CNTROB: variants seen among roughly 807,000 people sequenced by gnomAD.
CNTROB encodes the protein centrobin, centriole duplication and spindle assembly protein.
Under a neutral mutation model 115.7 loss-of-function variants are expected in CNTROB, and 82 were observed. The observed-to-expected ratio is 0.71, with a 90% CI of 0.59 to 0.85. The LOEUF is 0.85. CNTROB is among the 40% of genes least tolerant of loss of function. CNTROB has a pLI of 0.00. For synonymous variants in CNTROB, 439 were observed against 456.4 expected (o/e 0.96, Z 0.49); for missense variants, 1,014 against 1,144.4 (o/e 0.89, Z 1.64).
chr17:7,945,874 TC>T lies in CNTROB; in HGVS notation c.1883del (p.Pro628LeufsTer70). On this transcript the variant is annotated frameshift_variant, in exon 13 of 19. Coordinates refer to ENST00000563694, the MANE Select transcript of CNTROB (RefSeq NM_053051.5). LOFTEE classifies it high-confidence loss of function. ...EARDELPGAP[P>X]VLCSSSSDLS... ...CAAGGGACGAGCTACCTGGAGCGCCTCCTGTTCTTTGCAGTTCCTCCTCAGA... is the reference window on the plus strand; with the variant it reads ...CAAGGGACGAGCTACCTGGAGCGCCTCTGTTCTTTGCAGTTCCTCCTCAGA... The T allele has an allele frequency of 6.2e-7, 1 of 1,614,138 alleles. No individual in the cohort carries two copies. The highest frequency in any genetic ancestry group is 8.5e-7 in the Non-Finnish European group (1 of 1,180,024).
At position 7,948,815 on chromosome 17, in the gene CNTROB, C is replaced by G; in HGVS notation, c.2513+196C>G. 6.8e-7 allele frequency: 1 copy of G among 1,469,892 alleles called. No homozygotes were observed. Among genetic ancestry groups the G allele is most frequent in the African/African-American group, 1.4e-5 (1 of 70,184 alleles). The allele number at this position is 1,469,892 out of a possible 1,614,324, so 91.1% of individuals were successfully genotyped here. A position where few individuals can be genotyped will look rare whatever the true frequency, so the allele number is the denominator to read the frequency against. ...ATCTCCTCCTTTCTATTGCTTTTTT[C>G]TTCTAAACAAAAAAATCTTTTCCCC... On this transcript the variant is annotated intron_variant, in intron 17 of 18. Transcript: ENST00000563694. This position sits in a 1 kb window ranked among gnomAD's most constrained non-coding sequence, Gnocchi z 4.4.
In CNTROB at chr17:7,932,369, T is replaced by C; in HGVS notation, c.-711T>C. ...ACCAGGTGGTCGTCGGGGCAGAGGA[T>C]CTCGGGCTAGGCTTGAGGGCGGCGT... On this transcript the variant is annotated 5_prime_UTR_variant, in exon 1 of 19. Transcript: ENST00000563694. 1 of 163,844 alleles carries C rather than the reference T, an allele frequency of 6.1e-6. No homozygotes were observed. The highest frequency in any genetic ancestry group is 1.3e-5 in the Non-Finnish European group (1 of 74,822). The allele number at this position is 163,844 out of a possible 1,614,324, so 10.1% of individuals were successfully genotyped here.
rs777262694 is a variant in CNTROB at position 7,934,445 on chromosome 17, G to A, written c.356-20G>A. The stretch of plus-strand genomic sequence containing the variant: ...GTCATTACCTGACTCTGGCTTTGGG[G>A]TCCCTCTGGCTGCCTGCAGGGGATC... On this transcript the variant is annotated intron_variant, in intron 2 of 18. Coordinates refer to ENST00000563694, the MANE Select transcript of CNTROB (RefSeq NM_053051.5). The A allele has an allele frequency of 1.1e-5, 18 of 1,612,596 alleles. No homozygotes were observed. The highest frequency in any genetic ancestry group is 9.9e-5 in the South Asian group (9 of 91,050).
At position 7,943,736 on chromosome 17, in the gene CNTROB, G is replaced by A; in HGVS notation, c.1445+212G>A. 1.7e-6 allele frequency: 1 copy of A among 575,858 alleles called. No homozygotes were observed. Among genetic ancestry groups the A allele is most frequent in the East Asian group, 2.9e-5 (1 of 34,586 alleles). 35.7% of individuals were successfully genotyped at this position (575,858 alleles called of 1,614,324 possible). A position where few individuals can be genotyped will look rare whatever the true frequency, so the allele number is the denominator to read the frequency against. ...AGTGCCTGGGAATTTTCATCCCATA[G>A]GGAGTAGCCCTTAACCAAGAACTGA... On this transcript the variant is annotated intron_variant, in intron 10 of 18. Transcript: ENST00000563694. The surrounding 1 kb of genome is among the most constrained non-coding windows in gnomAD (Gnocchi z 4.7).
Position 7,945,769 on chromosome 17 carries a change from C to G in CNTROB, c.1776C>G (p.Pro592=), listed in dbSNP as rs4462665. 808,915 of 1,613,732 alleles carry G rather than the reference C, an allele frequency of 0.5. 209,060 individuals carry two copies. The highest frequency in any genetic ancestry group is 0.75 in the East Asian group (33,602 of 44,884). The change falls in exon 13 of 19, where the codon CCC becomes CCG. Residue 592 remains proline (P), a synonymous_variant. Coordinates refer to ENST00000563694, the MANE Select transcript of CNTROB (RefSeq NM_053051.5). Reference sequence around the variant, plus strand: ...CCTCCAGCCCCGGGCCTCAGGAGCCCGAGAAGGAGGAGAGGAGGGTCTGGA... The same window carrying G: ...CCTCCAGCCCCGGGCCTCAGGAGCCGGAGAAGGAGGAGAGGAGGGTCTGGA... The part of the protein sequence containing the change: ...AGPSSPGPQE[P]EKEERRVWTM...
At position 7,934,994 on chromosome 17, in the gene CNTROB, G is replaced by A. The variant is rs768638719; in HGVS notation, c.443G>A (p.Arg148Gln). The A allele has an allele frequency of 1.9e-5, 30 of 1,591,888 alleles. No homozygotes were observed. Among genetic ancestry groups the A allele is most frequent in the South Asian group, 1.0e-4 (9 of 88,680 alleles). ...SDSTATLLNT[R>Q]PLQDLSPSSS... ...TCTCTACCTGATTTGCTCAGCACCC[G>A]GCCCCTGCAAGACTTGTCTCCATCT... The change falls in exon 4 of 19, where the codon CGG (arginine) becomes CAG (glutamine). Residue 148 changes from arginine to glutamine, a missense_variant. Transcript: ENST00000563694.
Position 7,947,721 on chromosome 17 carries a change from A to T in CNTROB, c.2144A>T (p.Gln715Leu). Residue 715 changes from glutamine to leucine, a missense_variant and splice_region_variant, in exon 14 of 19, where the codon CAG becomes CTG. By Grantham distance (113) the Gln-to-Leu change is moderately radical. Coordinates refer to ENST00000563694, the MANE Select transcript of CNTROB (RefSeq NM_053051.5). Reference sequence around the variant, plus strand: ...GAGGGCCTCAAGAATTTTTTGCACCAGGTAAGAGAGATTCCACCCAGACTA... The same window carrying T: ...GAGGGCCTCAAGAATTTTTTGCACCTGGTAAGAGAGATTCCACCCAGACTA... ...QLEGLKNFLH[Q>L]LLETVPQNNE... is the part of the protein sequence containing the mutation. 1 of 1,608,870 alleles carries T rather than the reference A, an allele frequency of 6.2e-7. No homozygotes were observed. Among genetic ancestry groups the T allele is most frequent in the Non-Finnish European group, 8.5e-7 (1 of 1,176,534 alleles).
Position 7,935,047 on chromosome 17 carries a change from T to C in CNTROB, c.496T>C (p.Phe166Leu). The stretch of plus-strand genomic sequence containing the variant: ...CTCAGCCCAAGCCCTGGAGGAGCTG[T>C]TTCCCCGCTACACCAGCCTTCGGCC... ...SSSAQALEELFPRYTSLRPGP... is the reference protein window; with the variant it reads ...SSSAQALEELLPRYTSLRPGP... Residue 166 changes from phenylalanine (F) to leucine (L), a missense_variant, in exon 4 of 19, where the codon TTT (phenylalanine) becomes CTT (leucine). By Grantham distance (22) the Phe-to-Leu change is conservative. Coordinates refer to ENST00000563694, the MANE Select transcript of CNTROB (RefSeq NM_053051.5). 6.2e-7 allele frequency: 1 copy of C among 1,614,182 alleles called. No homozygotes were observed. Among genetic ancestry groups the C allele is most frequent in the East Asian group, 2.2e-5 (1 of 44,886 alleles).
chr17:7,941,819 C>T (rs1007602918), intron 9 of CNTROB, among the ~76,000 whole-genome samples: 3 of 151,730 alleles, frequency 2.0e-5, no homozygotes, highest in East Asian at 1.9e-4. Context: ...AAAACTTAGC[C>T]GGGTATAGTG....
intron 9 of CNTROB, among the ~76,000 whole-genome samples, chr17:7,941,426 C>G (rs1205393810): frequency 6.6e-6 from 1 of 150,612 alleles, no homozygotes. Flanking sequence ...ATGGTGAAAC[C>G]CTGTCTCTAC....
intron 6 of CNTROB, 60 bp downstream of exon 6, chr17:7,936,877 G>A: frequency 1.2e-6 from 1 of 833,502 alleles, no homozygotes; most frequent in East Asian, 2.4e-5. Flanking sequence ...GATGGAAAGG[G>A]GCAGAAATAG....
Position 7,948,959 on chromosome 17 carries a change from A to G in CNTROB, c.2514-126A>G. ...TTCCACTAATGTCTCCTCCCAGTTG[A>G]TGCCCAGGTCTATCGAGTTTGATCT... is the stretch of plus-strand genomic sequence containing the variant. On this transcript the variant is annotated intron_variant, in intron 17 of 18. Coordinates refer to ENST00000563694, the MANE Select transcript of CNTROB (RefSeq NM_053051.5). The surrounding 1 kb of genome is among the most constrained non-coding windows in gnomAD (Gnocchi z 4.4). The G allele has an allele frequency of 6.4e-7, 1 of 1,573,580 alleles. No homozygotes were observed. The highest frequency in any genetic ancestry group is 8.6e-7 in the Non-Finnish European group (1 of 1,158,120).
intron 7 of CNTROB, among the ~76,000 whole-genome samples, chr17:7,937,960 CA>C (rs572199446): frequency 2.1e-5 from 3 of 146,032 alleles, no homozygotes. Flanking sequence ...AGGGCATGGC[CA>C]AAAAAGGTAT....
Position 7,939,832 on chromosome 17 carries a change from T to C in CNTROB, c.1164+83T>C. On this transcript the variant is annotated intron_variant, in intron 8 of 18. Transcript: ENST00000563694. The surrounding 1 kb of genome is among the most constrained non-coding windows in gnomAD (Gnocchi z 4.4). ...TTGAATGGGATGGAATGTTAGAATA[T>C]GGGGGATACATATAGGCAGGAATGG... 2 of 1,332,514 alleles carry C rather than the reference T, an allele frequency of 1.5e-6. No homozygotes were observed. Among genetic ancestry groups the C allele is most frequent in the East Asian group, 2.3e-5 (1 of 43,168 alleles). 82.5% of individuals were successfully genotyped at this position (1,332,514 alleles called of 1,614,324 possible). A position where few individuals can be genotyped will look rare whatever the true frequency, so the allele number is the denominator to read the frequency against.
At position 7,932,927 on chromosome 17, in the gene CNTROB, G is replaced by A. The variant is rs1224252580; in HGVS notation, c.-153G>A. 3.6e-6 allele frequency: 3 copies of A among 831,346 alleles called. No homozygotes were observed. Among genetic ancestry groups the A allele is most frequent in the East Asian group, 5.1e-5 (2 of 39,590 alleles). The allele number at this position is 831,346 out of a possible 1,614,324, so 51.5% of individuals were successfully genotyped here. On this transcript the variant is annotated 5_prime_UTR_variant, in exon 1 of 19. Transcript: ENST00000563694. ...CTGGTGGAAACCTTTCCTCTAACCAGAAAGCCTCGATATCCTTAATTCACC... is the reference window on the plus strand; with the variant it reads ...CTGGTGGAAACCTTTCCTCTAACCAAAAAGCCTCGATATCCTTAATTCACC...
chr17:7,943,203 T>G lies in CNTROB; in HGVS notation c.1312-188T>G, dbSNP rs1974122409. On this transcript the variant is annotated intron_variant, in intron 9 of 18. Coordinates refer to ENST00000563694, the MANE Select transcript of CNTROB (RefSeq NM_053051.5). This position sits in a 1 kb window ranked among gnomAD's most constrained non-coding sequence, Gnocchi z 4.7. ...TCTTTCACCCATAGTCATTTTCACTTTGATGTATGTTTAAAGTGCGAATAT... is the reference window on the plus strand; with the variant it reads ...TCTTTCACCCATAGTCATTTTCACTGTGATGTATGTTTAAAGTGCGAATAT... Among the ~76,000 whole-genome samples, 1 of 152,192 alleles carries G rather than the reference T, an allele frequency of 6.6e-6. No individual in the cohort carries two copies. The highest frequency in any genetic ancestry group is 1.5e-5 in the Non-Finnish European group (1 of 68,030).
chr17:7,945,649 T>C, intron 12 of CNTROB, 79 bp from the exon 13 acceptor site: 2 of 1,427,276 alleles, frequency 1.4e-6, no homozygotes, highest in Non-Finnish European at 1.9e-6. Flanking sequence ...TTTATAATCT[T>C]ATTAAAGTGT....
In CNTROB at chr17:7,949,494, G is replaced by C. The variant is rs1034519272; in HGVS notation, c.2696G>C (p.Gly899Ala). The change falls in exon 19 of 19, where the codon GGG (glycine) becomes GCG (alanine). Residue 899 changes from glycine (G) to alanine (A), a missense_variant. Transcript: ENST00000563694. The part of the protein sequence containing the change: ...HPAPSSMRSR[G>A]GVWR ...GCCCCGAGTAGCATGAGGAGCCGGG[G>C]GGGAGTCTGGAGATGAGCCCCCCTA... 1 of 1,613,510 alleles carries C rather than the reference G, an allele frequency of 6.2e-7. No homozygotes were observed. The highest frequency in any genetic ancestry group is 1.3e-5 in the African/African-American group (1 of 75,000).
At position 7,939,483 on chromosome 17, in the gene CNTROB, A is replaced by G. The variant is rs1973587915; in HGVS notation, c.928-30A>G. The G allele has an allele frequency of 2.5e-6, 4 of 1,593,784 alleles. No individual in the cohort carries two copies. Among genetic ancestry groups the G allele is most frequent in the East Asian group, 4.5e-5 (2 of 44,752 alleles). Reference sequence around the variant, plus strand: ...ATCGCTGGTCTCTGAAGAGCCTACTAAGGAGCTTGGTTTTCTTCTGCGGCT... The same window carrying G: ...ATCGCTGGTCTCTGAAGAGCCTACTGAGGAGCTTGGTTTTCTTCTGCGGCT... On this transcript the variant is annotated intron_variant, in intron 7 of 18. Coordinates refer to ENST00000563694, the MANE Select transcript of CNTROB (RefSeq NM_053051.5). This position sits in a 1 kb window ranked among gnomAD's most constrained non-coding sequence, Gnocchi z 4.4.
Sources: gnomAD v4.1 joint callset for allele counts (sites outside exome capture counted in the v4.1 genomes callset) on GRCh38, gnomAD v4.1.1 for gene constraint, Gnocchi (gnomAD v3.1) non-coding constraint, MANE v1.5 for transcripts, NCBI Gene and HGNC (gene_info 2026-07-23, HGNC 2026-07-21) for gene names.